The following PCDH7 variants were observed in gnomAD, a reference collection of about 807,000 sequenced individuals.
PCDH7 encodes the protein protocadherin-7.
PCDH7 carries 17 observed loss-of-function variants against 58.9 expected under a neutral mutation model. The ratio of observed to expected loss-of-function variants is 0.29; its 90% CI spans 0.20 to 0.43. PCDH7 has a LOEUF of 0.43. PCDH7 is among the 20% of genes least tolerant of loss of function. The pLI, the probability that PCDH7 is intolerant of heterozygous loss-of-function variation, is 1.00. For synonymous variants in PCDH7, 664 were observed against 616.4 expected (o/e 1.08, Z -1.14); for missense variants, 1,274 against 1,441.0 (o/e 0.88, Z 1.88).
At chr4:30,724,664 C>T in intron 1 of PCDH7, 68 bp downstream of exon 1, 1 of 1,521,792 alleles carries the variant, frequency 6.6e-7, no homozygotes, top group Non-Finnish European at 8.8e-7. Flanking sequence ...AGATTATCTT[C>T]TGTAAAGTTT....
In PCDH7 at chr4:30,722,688, C is replaced by T; in HGVS notation, c.1266C>T (p.Arg422=). ...CCATTGAAATCCGCAAGATTGGGCG[C>T]ATCCCCCTCAAGGACGGGGTGGCCA... Residue 422 remains arginine (R), a synonymous_variant, in exon 1 of 2, where the codon CGC becomes CGT. Coordinates refer to ENST00000361762, the Ensembl canonical transcript of PCDH7. This position sits in a 1 kb window ranked among gnomAD's most constrained non-coding sequence, Gnocchi z 7.6. The T allele has an allele frequency of 6.2e-7, 1 of 1,613,622 alleles. No individual in the cohort carries two copies. The highest frequency in any genetic ancestry group is 1.6e-4 in the Middle Eastern group (1 of 6,062).
chr4:30,914,356 G>A (rs1218006104), intron 1 of PCDH7, among the ~76,000 whole-genome samples: 1 of 151,924 alleles, frequency 6.6e-6, no homozygotes, highest in African/African-American at 2.4e-5. Context: ...CCTATAGGAG[G>A]GTATGTCCTT....
At chr4:30,841,357 A>G (rs1396439428) in intron 1 of PCDH7, among the ~76,000 whole-genome samples, 1 of 152,134 alleles carries the variant, frequency 6.6e-6, no homozygotes, top group Non-Finnish European at 1.5e-5. Context: ...TAATGAGTTC[A>G]AGGAACTAAA....
Position 31,043,166 on chromosome 4 carries a change from A to G in PCDH7, c.*7+92951A>G, listed in dbSNP as rs181776964. On this transcript the variant is annotated intron_variant, in intron 3 of 3. Transcript: ENST00000509759. ...TCGTAATACTGTTACCCTAGGGATT[A>G]AGTTTCAACATGAGTTCTGGAGGGG... Among the ~76,000 whole-genome samples, 708 of 152,254 alleles carry G rather than the reference A, an allele frequency of 4.7e-3. 2 individuals carry two copies. Among genetic ancestry groups the G allele is most frequent in the Non-Finnish European group, 8.3e-3 (566 of 68,008 alleles).
chr4:30,749,939 A>C (rs146398870), intron 1 of PCDH7, among the ~76,000 whole-genome samples: 21 of 152,320 alleles, frequency 1.4e-4, no homozygotes, highest in African/African-American at 5.1e-4. Flanking sequence ...AATGATTATA[A>C]TAACATCTAT....
At chr4:30,981,840 A>G (rs1750599034) in intron 3 of PCDH7, among the ~76,000 whole-genome samples, 1 of 152,158 alleles carries the variant, frequency 6.6e-6, no homozygotes, top group African/African-American at 2.4e-5. Flanking sequence ...TTGCCCTCTA[A>G]AATGATAGTC....
chr4:31,108,582 G>A (rs1715894066), intron 3 of PCDH7, among the ~76,000 whole-genome samples: 1 of 152,036 alleles, frequency 6.6e-6, no homozygotes, highest in Non-Finnish European at 1.5e-5. Flanking sequence ...GATTGCATAG[G>A]CACCTATCTC....
intron 3 of PCDH7, among the ~76,000 whole-genome samples, chr4:31,079,100 T>A (rs375566190): frequency 6.6e-6 from 1 of 151,450 alleles, no homozygotes; most frequent in Non-Finnish European, 1.5e-5. Flanking sequence ...ATGTAAAACA[T>A]TTAGAAGATC....
intron 1 of PCDH7, among the ~76,000 whole-genome samples, chr4:30,876,022 A>G (rs1736238837): frequency 6.6e-6 from 1 of 152,106 alleles, no homozygotes; most frequent in Admixed American, 6.6e-5. Context: ...GTTAACTGTA[A>G]CCAAGTAGAT....
At chr4:30,789,965 A>T (rs908648973) in intron 1 of PCDH7, among the ~76,000 whole-genome samples, 1 of 152,184 alleles carries the variant, frequency 6.6e-6, no homozygotes, top group African/African-American at 2.4e-5. Flanking sequence ...ACAGCAGAAG[A>T]ACAGCTGTGA....
intron 1 of PCDH7, among the ~76,000 whole-genome samples, chr4:30,816,123 A>G (rs1461482888): frequency 6.6e-6 from 1 of 152,196 alleles, no homozygotes; most frequent in Non-Finnish European, 1.5e-5. Flanking sequence ...TCATCCTTTT[A>G]AAATATCTTC....
At chr4:30,984,279 T>C (rs1750793892) in intron 3 of PCDH7, among the ~76,000 whole-genome samples, 1 of 152,196 alleles carries the variant, frequency 6.6e-6, no homozygotes, top group Admixed American at 6.5e-5. Context: ...CAAAGTGATA[T>C]TCTTGGATAA....
chr4:31,027,594 T>C (rs1339464309), intron 3 of PCDH7, among the ~76,000 whole-genome samples: 1 of 152,014 alleles, frequency 6.6e-6, no homozygotes, highest in East Asian at 1.9e-4. Flanking sequence ...AACTAATTTT[T>C]GTGTTTTTAG....
At chr4:30,907,963 G>T (rs543254513) in intron 1 of PCDH7, among the ~76,000 whole-genome samples, 9 of 152,216 alleles carry the variant, frequency 5.9e-5, no homozygotes, top group African/African-American at 2.2e-4. Context: ...CATGGATGAA[G>T]CTGGAAACCA....
intron 1 of PCDH7, among the ~76,000 whole-genome samples, chr4:30,826,152 TA>T (rs1307369268): frequency 1.3e-5 from 2 of 152,184 alleles, no homozygotes; most frequent in East Asian, 3.9e-4. Context: ...TTCCATTCGA[TA>T]ACCTCATTAA....
chr4:31,033,071 A>C (rs1469781759), intron 3 of PCDH7, among the ~76,000 whole-genome samples: 1 of 152,166 alleles, frequency 6.6e-6, no homozygotes, highest in African/African-American at 2.4e-5. Flanking sequence ...ATACTTATGG[A>C]ATGAGTAATT....
intron 1 of PCDH7, among the ~76,000 whole-genome samples, chr4:30,826,227 T>C (rs548765065): frequency 2.6e-4 from 39 of 152,252 alleles, no homozygotes; most frequent in African/African-American, 9.4e-4. Flanking sequence ...ATCATAAATA[T>C]TCATTACAAA....
At chr4:30,961,753 T>C (rs968206693) in intron 3 of PCDH7, among the ~76,000 whole-genome samples, 3 of 152,198 alleles carry the variant, frequency 2.0e-5, no homozygotes, top group Non-Finnish European at 1.5e-5. Flanking sequence ...ATAAAACTTT[T>C]CTGTGGGTCT....
chr4:30,994,149 C>T (rs1751689122), intron 3 of PCDH7, among the ~76,000 whole-genome samples: 1 of 152,102 alleles, frequency 6.6e-6, no homozygotes, highest in Admixed American at 6.5e-5. Context: ...TTATAATCTA[C>T]AATTATGTGT....
Sources: gnomAD v4.1 joint callset for allele counts (sites outside exome capture counted in the v4.1 genomes callset) on GRCh38, gnomAD v4.1.1 for gene constraint, Gnocchi (gnomAD v3.1) non-coding constraint, MANE v1.5 for transcripts, NCBI Gene and HGNC (gene_info 2026-07-23, HGNC 2026-07-21) for gene names.